Variants in DLGAP1 observed in about 807,000 individuals in gnomAD.
DLGAP1 encodes the protein DLG associated protein 1.
DLGAP1 carries 11 observed loss-of-function variants against 90.8 expected under a neutral mutation model. That is an observed-to-expected ratio of 0.12 (90% CI 0.08 to 0.20). DLGAP1 has a LOEUF of 0.20. Ranked by LOEUF, DLGAP1 falls within the 10% of genes least tolerant of loss-of-function variation. The probability of loss-of-function intolerance (pLI) is 1.00; values close to 1 mark genes in which losing one functional copy is unlikely to be tolerated. For missense variants in DLGAP1, 1,050 were observed against 1,333.8 expected, an observed-to-expected ratio of 0.79 and a Z score of 3.31; for synonymous variants, 558 against 540.7, an observed-to-expected ratio of 1.03 and a Z score of -0.44.
At chr18:4,097,442 A>G (rs1352548818) in intron 2 of DLGAP1, among the ~76,000 whole-genome samples, 1 of 152,224 alleles carries the variant, frequency 6.6e-6, no homozygotes, top group Non-Finnish European at 1.5e-5. Context: ...CTTTGTCAAA[A>G]GTGCTCACCA....
At chr18:3,575,481 A>T (rs960268028) in intron 8 of DLGAP1, among the ~76,000 whole-genome samples, 1 of 152,152 alleles carries the variant, frequency 6.6e-6, no homozygotes, top group Non-Finnish European at 1.5e-5. Context: ...TAGTACATGA[A>T]ACTCATCTGT....
intron 3 of DLGAP1, among the ~76,000 whole-genome samples, chr18:3,903,359 G>A (rs985323422): frequency 2.0e-5 from 3 of 152,220 alleles, no homozygotes; most frequent in East Asian, 1.9e-4. Flanking sequence ...ATATGCAATC[G>A]TATTTTTAAA....
chr18:4,241,721 T>C (rs991984652), intron 1 of DLGAP1, among the ~76,000 whole-genome samples: 4 of 152,248 alleles, frequency 2.6e-5, no homozygotes, highest in Non-Finnish European at 4.4e-5. Context: ...CTTTTACTTT[T>C]CTAAAAATTG....
intron 7 of DLGAP1, among the ~76,000 whole-genome samples, chr18:3,631,552 G>A (rs1416370657): frequency 6.6e-6 from 1 of 152,100 alleles, no homozygotes; most frequent in South Asian, 2.1e-4. Context: ...TTCAAGACCA[G>A]CCTGGGCAAC....
intron 5 of DLGAP1, among the ~76,000 whole-genome samples, chr18:3,745,343 T>G (rs2063223252): frequency 1.3e-5 from 2 of 152,238 alleles, no homozygotes; most frequent in South Asian, 4.1e-4. Flanking sequence ...GAATTATATG[T>G]TATGTGTATT....
At chr18:4,037,263 A>G (rs1348430937) in intron 2 of DLGAP1, among the ~76,000 whole-genome samples, 1 of 152,200 alleles carries the variant, frequency 6.6e-6, no homozygotes, top group Non-Finnish European at 1.5e-5. Context: ...AAAGTTAATA[A>G]TTAATATTAT....
At chr18:4,070,146 C>A (rs940796492) in intron 2 of DLGAP1, among the ~76,000 whole-genome samples, 1 of 152,042 alleles carries the variant, frequency 6.6e-6, no homozygotes, top group African/African-American at 2.4e-5. Context: ...TTACGCCTGG[C>A]TAATTTTTGT....
chr18:3,662,717 G>A (rs1248187736), intron 7 of DLGAP1, among the ~76,000 whole-genome samples: 2 of 152,206 alleles, frequency 1.3e-5, no homozygotes, highest in African/African-American at 4.8e-5. Flanking sequence ...CCAGAGAGCA[G>A]GACTCGGCCC....
chr18:3,566,565 G>A (rs746057372), intron 9 of DLGAP1, among the ~76,000 whole-genome samples: 3 of 151,818 alleles, frequency 2.0e-5, no homozygotes, highest in African/African-American at 4.8e-5. Context: ...TTCAGTTTAC[G>A]TTACATGTAG....
chr18:4,393,187 G>C lies in DLGAP1; in HGVS notation c.-267+61819C>G, dbSNP rs568875152. On this transcript the variant is annotated intron_variant, in intron 1 of 12. Coordinates refer to ENST00000315677, the MANE Select transcript of DLGAP1 (RefSeq NM_004746.4). ...CAATTTTGTTGATTGCCTTAAAATA[G>C]AATAAATAAAATAAAACACTTAATA... Among the ~76,000 whole-genome samples the C allele has an allele frequency of 2.0e-5, 3 of 152,134 alleles. No homozygotes were observed. In the South Asian group the frequency reaches 6.2e-4, roughly 32 times the overall value.
intron 5 of DLGAP1, among the ~76,000 whole-genome samples, chr18:3,800,221 G>T (rs1293550947): frequency 6.6e-6 from 1 of 152,182 alleles, no homozygotes; most frequent in Non-Finnish European, 1.5e-5. Context: ...AGTGCTTTGA[G>T]ATGCCAAGCC....
At chr18:4,063,637 C>T (rs190958191) in intron 2 of DLGAP1, among the ~76,000 whole-genome samples, 2 of 151,996 alleles carry the variant, frequency 1.3e-5, no homozygotes, top group Non-Finnish European at 2.9e-5. Flanking sequence ...GAGTTTTATA[C>T]CTATAAAAAT....
intron 2 of DLGAP1, among the ~76,000 whole-genome samples, chr18:4,062,312 C>A (rs977480811): frequency 8.5e-5 from 13 of 152,122 alleles, no homozygotes; most frequent in Non-Finnish European, 1.3e-4. Flanking sequence ...GGCATGCTTT[C>A]CTTTAAGCAA....
Position 3,714,912 on chromosome 18 carries a change from C to T in DLGAP1, c.1591+14223G>A, listed in dbSNP as rs138553384. ...TCTGCTTCCCAAAGTGCTGGGATTA[C>T]AGGTGTGAGCCACCACGCCCAGTAA... On this transcript the variant is annotated intron_variant, in intron 7 of 12. Coordinates refer to ENST00000315677, the MANE Select transcript of DLGAP1 (RefSeq NM_004746.4). 4.4e-3 allele frequency among the ~76,000 whole-genome samples: 668 copies of T among 152,256 alleles called. 3 individuals are homozygous for T. Among genetic ancestry groups the T allele is most frequent in the African/African-American group, 0.015 (615 of 41,538 alleles).
At position 3,815,492 on chromosome 18, in the gene DLGAP1, G is replaced by A. The variant is rs1212451130; in HGVS notation, c.958-1219C>T. Among the ~76,000 whole-genome samples the A allele has an allele frequency of 3.3e-5, 5 of 152,096 alleles. No homozygotes were observed. In the East Asian group the frequency reaches 9.6e-4, roughly 29 times the overall value. ...CTTCTGATTGCTTGACTTACCTGGT[G>A]TAGCTACTACTTGTCTGAATTGTTC... On this transcript the variant is annotated intron_variant, in intron 4 of 12. Transcript: ENST00000315677.
At chr18:3,690,084 G>T (rs2060837906) in intron 7 of DLGAP1, among the ~76,000 whole-genome samples, 1 of 148,208 alleles carries the variant, frequency 6.7e-6, no homozygotes, top group Admixed American at 6.8e-5. Flanking sequence ...TACCCTGCGG[G>T]CTGGGTGAGG....
intron 1 of DLGAP1, among the ~76,000 whole-genome samples, chr18:4,373,124 GAGTACATT>G (rs2081950694): frequency 6.6e-6 from 1 of 151,992 alleles, no homozygotes; most frequent in African/African-American, 2.4e-5. Context: ...GGCAGCCACT[GAGTACATT>G]TCATCAAGAG....
At chr18:4,331,062 A>G (rs903852384) in intron 1 of DLGAP1, among the ~76,000 whole-genome samples, 3 of 151,816 alleles carry the variant, frequency 2.0e-5, no homozygotes, top group African/African-American at 7.3e-5. Flanking sequence ...TCCTCTTAAT[A>G]AAGTGATATC....
intron 3 of DLGAP1, among the ~76,000 whole-genome samples, chr18:3,991,219 C>T (rs939652560): frequency 6.6e-6 from 1 of 151,994 alleles, no homozygotes; most frequent in Non-Finnish European, 1.5e-5. Flanking sequence ...ATCTCTAAAG[C>T]ACAAGCCCAT....
Sources: gnomAD v4.1 joint callset for allele counts (sites outside exome capture counted in the v4.1 genomes callset) on GRCh38, gnomAD v4.1.1 for gene constraint, MANE v1.5 for transcripts, NCBI Gene and HGNC (gene_info 2026-07-23, HGNC 2026-07-21) for gene names.